Variants in ULK2 observed in about 807,000 individuals in gnomAD.
ULK2 encodes unc-51 like autophagy activating kinase 2, also known as serine/threonine-protein kinase ULK2.
A neutral mutation model predicts 127.5 loss-of-function variants in ULK2; 76 were observed. That is an observed-to-expected ratio of 0.60 (90% CI 0.50 to 0.72). ULK2 has a LOEUF of 0.72. ULK2 is among the 30% of genes least tolerant of loss of function. The pLI, the probability that ULK2 is intolerant of heterozygous loss-of-function variation, is 0.00. For missense variants in ULK2, 1,144 were observed against 1,295.9 expected (o/e 0.88, Z 1.80); for synonymous variants, 452 against 461.9 (o/e 0.98, Z 0.28).
At chr17:19,860,866 T>C (rs886436392) in intron 3 of ULK2, 8 of 152,086 alleles carry the variant, frequency 5.3e-5, no homozygotes, top group African/African-American at 1.7e-4. Flanking sequence ...TTAAAAGCAT[T>C]GGTGGTTCAA....
chr17:19,801,768 T>C lies in ULK2; in HGVS notation c.1441+9A>G. The C allele has an allele frequency of 6.2e-7, 1 of 1,610,088 alleles. No homozygotes were observed. Among genetic ancestry groups the C allele is most frequent in the Non-Finnish European group, 8.5e-7 (1 of 1,179,138 alleles). ...AGGTTGAAAACAACTGTTTTTAAAC[T>C]CTACTTACCCAAAGGGGAAGGTGAG... is the stretch of plus-strand genomic sequence containing the variant. On this transcript the variant is annotated intron_variant, in intron 16 of 26. Coordinates refer to ENST00000395544, the MANE Select transcript of ULK2 (RefSeq NM_014683.4).
At chr17:19,785,514 G>A (rs1284632651) in intron 21 of ULK2, among the ~76,000 whole-genome samples, 1 of 149,996 alleles carries the variant, frequency 6.7e-6, no homozygotes, top group African/African-American at 2.5e-5. Flanking sequence ...ACCTCACCTA[G>A]CCAAAACAAG....
chr17:19,817,478 T>C (rs73980713), intron 12 of ULK2, among the ~76,000 whole-genome samples: 3,542 of 152,326 alleles, frequency 0.023, 113 homozygotes, highest in African/African-American at 0.077. Flanking sequence ...CTTACAGGTA[T>C]CCTTGTGTTC....
At position 19,844,884 on chromosome 17, in the gene ULK2, T is replaced by C. The variant is rs538265048; in HGVS notation, c.543+420A>G. The stretch of plus-strand genomic sequence containing the variant: ...AGATATTTCAGCTGTGTGAGGCTAA[T>C]GGAAAAAACATCTACAACACAGGGA... On this transcript the variant is annotated intron_variant, in intron 7 of 26. Transcript: ENST00000395544. 3.3e-5 allele frequency among the ~76,000 whole-genome samples: 5 copies of C among 152,286 alleles called. No individual in the cohort carries two copies. The East Asian group carries it at 7.7e-4, about 23-fold the overall frequency.
intron 20 of ULK2, among the ~76,000 whole-genome samples, chr17:19,791,032 G>C (rs547742796): frequency 6.6e-6 from 1 of 152,320 alleles, no homozygotes; most frequent in Non-Finnish European, 1.5e-5. Flanking sequence ...GCTAAAGACA[G>C]AGATAGACCC....
At chr17:19,797,718 G>A in intron 17 of ULK2, 36 bp from the exon 18 acceptor site, 5 of 1,425,810 alleles carry the variant, frequency 3.5e-6, no homozygotes, top group Non-Finnish European at 4.6e-6. Context: ...AACCTGAAGT[G>A]AAGAAGTGCA....
At chr17:19,795,538 G>GTGA (rs2152385110) in intron 20 of ULK2, 84 bp downstream of exon 20, 1 of 1,105,420 alleles carries the variant, frequency 9.0e-7, no homozygotes, top group East Asian at 2.4e-5. Context: ...CACCAAGCAT[G>GTGA]TGATGATTTG....
At chr17:19,824,446 CAAAAAAAAAAA>C (rs397943235) in intron 12 of ULK2, among the ~76,000 whole-genome samples, 13 of 9,886 alleles carry the variant, frequency 1.3e-3, no homozygotes, top group African/African-American at 1.9e-3. Flanking sequence ...AACTCCATCT[CAAAAAAAAAAA>C]AAAAAAAAAA....
intron 14 of ULK2, among the ~76,000 whole-genome samples, chr17:19,805,924 C>A (rs1023562220): frequency 6.6e-6 from 1 of 152,184 alleles, no homozygotes; most frequent in Non-Finnish European, 1.5e-5. Context: ...AAGTGGAATT[C>A]CTAATGATAC....
chr17:19,783,715 C>G lies in ULK2; in HGVS notation c.2442G>C (p.Pro814=). Residue 814 remains proline, a synonymous_variant, in exon 22 of 27, where the codon CCG becomes CCC. Transcript: ENST00000395544. ...TTTCTACCTCCATCAGCGTCTCCTC[C>G]GGCAGTTCAGGGGCTTCAAAGGTGA... ...GLITFEAPEL[P]EETLMEREHT... is the part of the protein sequence containing the mutation. 1.3e-6 allele frequency: 2 copies of G among 1,552,012 alleles called. No homozygotes were observed. The highest frequency in any genetic ancestry group is 1.7e-6 in the Non-Finnish European group (2 of 1,148,438).
intron 25 of ULK2, among the ~76,000 whole-genome samples, chr17:19,778,985 C>T (rs2086863094): frequency 6.6e-6 from 1 of 152,096 alleles, no homozygotes; most frequent in South Asian, 2.1e-4. Flanking sequence ...TTTTCTGGTG[C>T]AAAATTCTAA....
chr17:19,777,818 C>T, intron 25 of ULK2, 102 bp from the exon 26 acceptor site: 6 of 1,398,824 alleles, frequency 4.3e-6, no homozygotes, highest in Non-Finnish European at 5.7e-6. Context: ...AAAATTAACA[C>T]ATTTTGGTAA....
rs540911855 is a variant in ULK2, at chr17:19,860,066, C to T, written c.225+4737G>A. On this transcript the variant is annotated intron_variant, in intron 3 of 26. Coordinates refer to ENST00000395544, the MANE Select transcript of ULK2 (RefSeq NM_014683.4). Reference sequence around the variant, plus strand: ...CTAAGATACATTAAGCTTAATAAAACAAGTTGCATTTCTGTACAAACACTA... The same window carrying T: ...CTAAGATACATTAAGCTTAATAAAATAAGTTGCATTTCTGTACAAACACTA... Among the ~76,000 whole-genome samples, 6 of 152,256 alleles carry T rather than the reference C, an allele frequency of 3.9e-5. No homozygotes were observed. The South Asian group carries it at 1.2e-3, about 32-fold the overall frequency.
chr17:19,822,254 G>A (rs2041168699), intron 12 of ULK2, among the ~76,000 whole-genome samples: 1 of 151,848 alleles, frequency 6.6e-6, no homozygotes. Context: ...CCAAGGTGCT[G>A]GATTACAGGC....
intron 5 of ULK2, 62 bp from the exon 6 acceptor site, chr17:19,846,972 C>CCATCAA (rs1374814289): frequency 6.8e-7 from 1 of 1,479,342 alleles, no homozygotes; most frequent in East Asian, 2.4e-5. Flanking sequence ...TCTGCATATT[C>CCATCAA]CATCAACAGG....
chr17:19,859,083 A>G (rs2042189384), intron 3 of ULK2, among the ~76,000 whole-genome samples: 1 of 152,246 alleles, frequency 6.6e-6, no homozygotes, highest in South Asian at 2.1e-4. Context: ...TTAGTCCAGC[A>G]GTTCGAGACC....
intron 24 of ULK2, 108 bp downstream of exon 24, chr17:19,780,878 G>T: frequency 8.5e-7 from 1 of 1,174,342 alleles, no homozygotes; most frequent in Non-Finnish European, 1.2e-6. Flanking sequence ...TAAGAATACT[G>T]AAAAATAAAA....
In ULK2 at chr17:19,774,987, G is replaced by A. The variant is rs2152380083; in HGVS notation, c.*1362C>T. The A allele has an allele frequency of 6.6e-6, 1 of 152,636 alleles. No homozygotes were observed. The highest frequency in any genetic ancestry group is 1.9e-4 in the East Asian group (1 of 5,188). The allele number at this position is 152,636 out of a possible 1,614,324, so 9.5% of individuals were successfully genotyped here. A position where few individuals can be genotyped will look rare whatever the true frequency, so the allele number is the denominator to read the frequency against. Reference sequence around the variant, plus strand: ...GTAAAAATTACATTACTTTGTCAAAGTAAAGGAAAACCATGTTTGTTTTTA... The same window carrying A: ...GTAAAAATTACATTACTTTGTCAAAATAAAGGAAAACCATGTTTGTTTTTA... On this transcript the variant is annotated 3_prime_UTR_variant, in exon 27 of 27. Transcript: ENST00000395544.
intron 3 of ULK2, among the ~76,000 whole-genome samples, chr17:19,857,461 A>G (rs1053823230): frequency 5.9e-5 from 9 of 152,162 alleles, no homozygotes; most frequent in African/African-American, 1.9e-4. Context: ...TTTACTTTAT[A>G]TATTTAAGCT....
Sources: gnomAD v4.1 joint callset for allele counts (sites outside exome capture counted in the v4.1 genomes callset) on GRCh38, gnomAD v4.1.1 for gene constraint, MANE v1.5 for transcripts, NCBI Gene and HGNC (gene_info 2026-07-23, HGNC 2026-07-21) for gene names.